The following SLC16A10 variants were observed in gnomAD, a reference collection of about 807,000 sequenced individuals.
The protein encoded by SLC16A10 is monocarboxylate transporter 10.
A neutral mutation model predicts 40.0 loss-of-function variants in SLC16A10; 27 were observed. That is an observed-to-expected ratio of 0.67 (90% CI 0.50 to 0.93). The LOEUF (loss-of-function observed/expected upper bound fraction) is 0.93, where lower values mean the gene tolerates loss of function less well. Among genes scored for constraint, SLC16A10 ranks in the 40% least tolerant of loss-of-function variants. SLC16A10 has a pLI of 0.00. For synonymous variants in SLC16A10, 213 were observed against 249.8 expected, an observed-to-expected ratio of 0.85 and a Z score of 1.39; for missense variants, 529 against 658.2, an observed-to-expected ratio of 0.80 and a Z score of 2.15.
chr6:111,165,688 A>C (rs924556261), intron 1 of SLC16A10, among the ~76,000 whole-genome samples: 6 of 152,220 alleles, frequency 3.9e-5, no homozygotes, highest in Non-Finnish European at 8.8e-5. Flanking sequence ...ATTTTCAAAG[A>C]GATGGTAAGC....
At chr6:111,146,597 G>A (rs1478550141) in intron 1 of SLC16A10, among the ~76,000 whole-genome samples, 4 of 149,426 alleles carry the variant, frequency 2.7e-5, no homozygotes, top group Non-Finnish European at 6.0e-5. Context: ...TTAGCTGGGC[G>A]TGGTGGGGGG....
intron 4 of SLC16A10, among the ~76,000 whole-genome samples, chr6:111,211,430 G>C (rs943577765): frequency 1.3e-5 from 2 of 152,184 alleles, no homozygotes; most frequent in African/African-American, 4.8e-5. Flanking sequence ...TTAAAAGTTA[G>C]TATTGGGGGT....
At position 111,143,460 on chromosome 6, in the gene SLC16A10, C is replaced by T. The variant is rs550596509; in HGVS notation, c.344-29235C>T. On this transcript the variant is annotated intron_variant, in intron 1 of 5. Transcript: ENST00000368851. ...AGTGTAGTGATGCAGTCATAGCTCA[C>T]TGTGGCCTCAAGATCCTGGGCTCAA... is the stretch of plus-strand genomic sequence containing the variant. Among the ~76,000 whole-genome samples, 10 of 152,220 alleles carry T rather than the reference C, an allele frequency of 6.6e-5. No individual in the cohort carries two copies. The East Asian group carries it at 1.7e-3, about 26-fold the overall frequency.
At chr6:111,103,173 T>G (rs1771219877) in intron 1 of SLC16A10, among the ~76,000 whole-genome samples, 1 of 152,156 alleles carries the variant, frequency 6.6e-6, no homozygotes, top group Non-Finnish European at 1.5e-5. Flanking sequence ...CCCGAAGTGC[T>G]GAGATTATAG....
At chr6:111,177,971 C>T (rs1413352768) in intron 3 of SLC16A10, among the ~76,000 whole-genome samples, 1 of 151,994 alleles carries the variant, frequency 6.6e-6, no homozygotes, top group African/African-American at 2.4e-5. Context: ...CCCAGGAGTT[C>T]GAATCCAGCC....
intron 1 of SLC16A10, among the ~76,000 whole-genome samples, chr6:111,144,909 C>T (rs1365505481): frequency 1.3e-5 from 2 of 152,268 alleles, no homozygotes; most frequent in East Asian, 3.9e-4. Flanking sequence ...CTGATTGCAG[C>T]CTTGACCTCC....
chr6:111,165,037 T>A (rs1772446009), intron 1 of SLC16A10, among the ~76,000 whole-genome samples: 1 of 152,302 alleles, frequency 6.6e-6, no homozygotes, highest in Admixed American at 6.5e-5. Flanking sequence ...ATCACACATA[T>A]TGCACATATA....
intron 1 of SLC16A10, among the ~76,000 whole-genome samples, chr6:111,144,247 AGGCTGGAGTGCAGT>A (rs1772035672): frequency 6.6e-6 from 1 of 152,190 alleles, no homozygotes; most frequent in Non-Finnish European, 1.5e-5. Flanking sequence ...TCTGTCCCCC[AGGCTGGAGTGCAGT>A]GGCACGATTT....
intron 3 of SLC16A10, among the ~76,000 whole-genome samples, chr6:111,195,084 C>CCT (rs1257953471): frequency 1.1e-4 from 16 of 152,068 alleles, no homozygotes; most frequent in Non-Finnish European, 1.8e-4. Flanking sequence ...GATAAGAAGA[C>CCT]CTCTATATTC....
At position 111,179,074 on chromosome 6, in the gene SLC16A10, A is replaced by G. The variant is rs1184277873; in HGVS notation, c.942+1409A>G. On this transcript the variant is annotated intron_variant, in intron 3 of 5. Transcript: ENST00000368851. ...TGTTAAGTTGCTCAGGCTGGCTTCA[A>G]GCAACCCTCCTGCCTCAGCTAGGAT... Among the ~76,000 whole-genome samples, 4 of 152,172 alleles carry G rather than the reference A, an allele frequency of 2.6e-5. No homozygotes were observed. In the East Asian group the frequency reaches 5.8e-4, roughly 22 times the overall value.
chr6:111,124,163 G>A (rs1771631183), intron 1 of SLC16A10, among the ~76,000 whole-genome samples: 1 of 152,082 alleles, frequency 6.6e-6, no homozygotes, highest in Non-Finnish European at 1.5e-5. Flanking sequence ...TTTTTGATTG[G>A]CAGGAAGTAG....
chr6:111,186,603 G>A (rs927153462), intron 3 of SLC16A10, among the ~76,000 whole-genome samples: 4 of 152,172 alleles, frequency 2.6e-5, no homozygotes, highest in African/African-American at 4.8e-5. Flanking sequence ...TTTGGGAGAA[G>A]CCCTTGTAGT....
intron 1 of SLC16A10, among the ~76,000 whole-genome samples, chr6:111,120,968 G>T (rs1421499455): frequency 6.6e-6 from 1 of 152,046 alleles, no homozygotes; most frequent in Non-Finnish European, 1.5e-5. Context: ...ATAAGTCTGT[G>T]GGTAGATAGC....
intron 1 of SLC16A10, among the ~76,000 whole-genome samples, chr6:111,102,004 A>T (rs1383890657): frequency 1.3e-5 from 2 of 152,168 alleles, no homozygotes; most frequent in Non-Finnish European, 2.9e-5. Context: ...TCTGTATCTC[A>T]TAAGGCACCT....
chr6:111,210,894 G>A (rs571678661), intron 4 of SLC16A10, among the ~76,000 whole-genome samples: 6 of 152,124 alleles, frequency 3.9e-5, no homozygotes, highest in African/African-American at 1.2e-4. Context: ...TTGGTGGCAC[G>A]CGTCTGTAGT....
At position 111,229,602 on chromosome 6, in the gene SLC16A10, A is replaced by G. The variant is rs1271710890; in HGVS notation, c.*7367A>G. The G allele has an allele frequency of 1.3e-5, 2 of 152,214 alleles. No homozygotes were observed. The highest frequency in any genetic ancestry group is 2.9e-5 in the Non-Finnish European group (2 of 68,036). The allele number at this position is 152,214 out of a possible 1,614,324, so 9.4% of individuals were successfully genotyped here. On this transcript the variant is annotated 3_prime_UTR_variant, in exon 6 of 6. Transcript: ENST00000368851. ...AAAATCAGAGTTTTGAGAGTCATCA[A>G]TCTTAAAACATGGATAATGAGTTAT...
At chr6:111,095,502 G>A (rs755854651) in intron 1 of SLC16A10, among the ~76,000 whole-genome samples, 26 of 152,164 alleles carry the variant, frequency 1.7e-4, no homozygotes, top group Non-Finnish European at 2.9e-4. Context: ...AAAGCATTCC[G>A]TGAAAGCCAT....
chr6:111,155,073 A>G (rs1772243998), intron 1 of SLC16A10, among the ~76,000 whole-genome samples: 1 of 150,954 alleles, frequency 6.6e-6, no homozygotes, highest in Non-Finnish European at 1.5e-5. Context: ...GAGTCGTTCT[A>G]CCAGGGGCCA....
At chr6:111,147,388 G>T (rs1228207164) in intron 1 of SLC16A10, among the ~76,000 whole-genome samples, 1 of 152,080 alleles carries the variant, frequency 6.6e-6, no homozygotes, top group African/African-American at 2.4e-5. Flanking sequence ...TTATTAATTT[G>T]CAATACACAA....
Sources: gnomAD v4.1 joint callset for allele counts (sites outside exome capture counted in the v4.1 genomes callset) on GRCh38, gnomAD v4.1.1 for gene constraint, MANE v1.5 for transcripts, NCBI Gene and HGNC (gene_info 2026-07-23, HGNC 2026-07-21) for gene names.